Variants in WBP2NL observed in about 807,000 individuals in gnomAD.
WBP2NL encodes the protein WBP2 N-terminal like, also known as postacrosomal sheath WW domain-binding protein.
A neutral mutation model predicts 23.3 loss-of-function variants in WBP2NL; 27 were observed. The observed-to-expected ratio is 1.16, with a 90% CI of 0.85 to 1.60. WBP2NL has a LOEUF of 1.60. Among genes scored for constraint, WBP2NL ranks in the 40% most tolerant of loss-of-function variants. The probability of loss-of-function intolerance (pLI) is 0.00; values close to 1 mark genes in which losing one functional copy is unlikely to be tolerated. For synonymous variants in WBP2NL, 151 were observed against 145.9 expected (o/e 1.03, Z -0.25); for missense variants, 370 against 389.5 (o/e 0.95, Z 0.42).
rs372509700 is a variant in WBP2NL, at chr22:42,027,922, C to T, written c.*741C>T. ...CCAAGGCAATAGCATGGCCAGAAAACGTTTGAAAAGATGTTCAGCTTGACT... is the reference window on the plus strand; with the variant it reads ...CCAAGGCAATAGCATGGCCAGAAAATGTTTGAAAAGATGTTCAGCTTGACT... On this transcript the variant is annotated 3_prime_UTR_variant, in exon 6 of 6. Transcript: ENST00000328823. 157 of 398,296 alleles carry T rather than the reference C, an allele frequency of 3.9e-4. 1 individual carries two copies. The highest frequency in any genetic ancestry group is 2.9e-3 in the African/African-American group (141 of 48,676). The allele number at this position is 398,296 out of a possible 1,614,324, so 24.7% of individuals were successfully genotyped here.
intron 1 of WBP2NL, chr22:42,002,107 C>T (rs2146751232): frequency 2.5e-6 from 1 of 402,102 alleles, no homozygotes; most frequent in Non-Finnish European, 4.4e-6. Flanking sequence ...TACTTCACTG[C>T]TTGTGTGTTG....
intron 5 of WBP2NL, among the ~76,000 whole-genome samples, chr22:42,025,890 GA>G (rs1335494534): frequency 6.6e-6 from 1 of 152,158 alleles, no homozygotes; most frequent in Non-Finnish European, 1.5e-5. Context: ...TCCATATGAT[GA>G]AATATTATCC....
Position 42,027,872 on chromosome 22 carries a change from G to C in WBP2NL, c.*691G>C. ...ACTACAAATCAATTCTCCCCAAAATGACAGAAATATGAATTGCCGAATAAC... is the reference window on the plus strand; with the variant it reads ...ACTACAAATCAATTCTCCCCAAAATCACAGAAATATGAATTGCCGAATAAC... On this transcript the variant is annotated 3_prime_UTR_variant, in exon 6 of 6. Transcript: ENST00000328823. The C allele has an allele frequency of 2.5e-6, 1 of 398,066 alleles. No individual in the cohort carries two copies. The highest frequency in any genetic ancestry group is 4.4e-6 in the Non-Finnish European group (1 of 225,918). The allele number at this position is 398,066 out of a possible 1,614,324, so 24.7% of individuals were successfully genotyped here.
At position 42,019,749 on chromosome 22, in the gene WBP2NL, C is replaced by G; in HGVS notation, c.259C>G (p.Gln87Glu). ...FDLMTNLTVE[Q>E]PVFAANFIKG... ...TCTGATGACGAACCTCACTGTTGAACAACCAGTATTTGCTGCAAACTTCAT... is the reference window on the plus strand; with the variant it reads ...TCTGATGACGAACCTCACTGTTGAAGAACCAGTATTTGCTGCAAACTTCAT... Residue 87 changes from glutamine (Q) to glutamate (E), a missense_variant, in exon 3 of 6, where the codon CAA becomes GAA. Gln to Glu is a conservative substitution (Grantham distance 29). Coordinates refer to ENST00000328823, the MANE Select transcript of WBP2NL (RefSeq NM_152613.3). 1 of 1,614,194 alleles carries G rather than the reference C, an allele frequency of 6.2e-7. No homozygotes were observed. The highest frequency in any genetic ancestry group is 1.3e-5 in the African/African-American group (1 of 75,046).
At chr22:42,050,963 A>G (rs568008758) in intron 8 of WBP2NL, among the ~76,000 whole-genome samples, 10 of 152,322 alleles carry the variant, frequency 6.6e-5, no homozygotes, top group Admixed American at 2.0e-4. Flanking sequence ...TACTCTTACC[A>G]TATGTCCCAG....
intron 8 of WBP2NL, among the ~76,000 whole-genome samples, chr22:42,053,381 G>T (rs1404588254): frequency 6.6e-6 from 1 of 152,072 alleles, no homozygotes; most frequent in Non-Finnish European, 1.5e-5. Flanking sequence ...TTAACATTTT[G>T]AGGAACTGCC....
chr22:42,015,985 A>T (rs914737322), intron 1 of WBP2NL, among the ~76,000 whole-genome samples: 3 of 149,192 alleles, frequency 2.0e-5, no homozygotes, highest in Non-Finnish European at 3.0e-5. Context: ...TGGCTTGGAA[A>T]TTTTTTTTTT....
intron 8 of WBP2NL, among the ~76,000 whole-genome samples, chr22:42,049,080 A>G (rs1290895261): frequency 6.6e-6 from 1 of 152,224 alleles, no homozygotes; most frequent in South Asian, 2.1e-4. Flanking sequence ...TGAAAAGAAC[A>G]AAGTCAAAGA....
At chr22:42,013,618 T>C (rs965937046) in intron 1 of WBP2NL, among the ~76,000 whole-genome samples, 1 of 151,998 alleles carries the variant, frequency 6.6e-6, no homozygotes, top group Non-Finnish European at 1.5e-5. Flanking sequence ...TTTTGGCCAT[T>C]ATTTATTTAT....
chr22:42,046,433 AAACACACATAG>A (rs1925589228), intron 8 of WBP2NL, among the ~76,000 whole-genome samples: 1 of 152,254 alleles, frequency 6.6e-6, no homozygotes. Context: ...CCACTTACTA[AAACACACATAG>A]AATGATGAAT....
Position 42,043,401 on chromosome 22 carries a change from A to T in WBP2NL, c.*273+12578A>T, listed in dbSNP as rs186958341. On this transcript the variant is annotated intron_variant and NMD_transcript_variant, in intron 8 of 8. Transcript: ENST00000436265. ...TAGGGCTCGTGGTGTGTATATGCTC[A>T]GTTGTGGGAGCCAGCTGCTGGCACA... Among the ~76,000 whole-genome samples, 3 of 152,236 alleles carry T rather than the reference A, an allele frequency of 2.0e-5. No homozygotes were observed. The East Asian group carries it at 5.8e-4, about 29-fold the overall frequency.
downstream of WBP2NL, among the ~76,000 whole-genome samples, chr22:42,033,789 C>G (rs989254367): frequency 6.6e-6 from 1 of 152,212 alleles, no homozygotes; most frequent in Non-Finnish European, 1.5e-5. Context: ...CCAACATCTG[C>G]TTAGCTCTGG....
At chr22:42,022,062 A>AAATCCC (rs1312276243) in intron 4 of WBP2NL, among the ~76,000 whole-genome samples, 187 bp from the exon 5 acceptor site, 65 of 152,042 alleles carry the variant, frequency 4.3e-4, no homozygotes, top group African/African-American at 1.5e-3. Flanking sequence ...GGCCTCCTAA[A>AAATCCC]ATGTTGGGAT....
chr22:42,023,434 A>C (rs1456273397), intron 5 of WBP2NL, among the ~76,000 whole-genome samples: 5 of 152,046 alleles, frequency 3.3e-5, no homozygotes, highest in Admixed American at 2.6e-4. Context: ...GCCTCCAGCC[A>C]TCTGCCCGCC....
At chr22:42,010,882 T>A (rs979400443) in intron 1 of WBP2NL, among the ~76,000 whole-genome samples, 1 of 152,230 alleles carries the variant, frequency 6.6e-6, no homozygotes, top group African/African-American at 2.4e-5. Flanking sequence ...GCATCGATTG[T>A]GATGATCGCA....
chr22:42,051,167 A>C (rs956514458), intron 8 of WBP2NL, among the ~76,000 whole-genome samples: 4 of 152,260 alleles, frequency 2.6e-5, no homozygotes, highest in Non-Finnish European at 5.9e-5. Context: ...ACATTGCTTA[A>C]AAAGTAATGT....
rs576039136 is a variant in WBP2NL, at chr22:42,027,604, A to G, written c.*423A>G. ...GTTGTTTGAGAAAGCTAAATTTTCA[A>G]TAGTAAGAGTGTTATAAATTACGGT... On this transcript the variant is annotated 3_prime_UTR_variant, in exon 6 of 6. Coordinates refer to ENST00000328823, the MANE Select transcript of WBP2NL (RefSeq NM_152613.3). The G allele has an allele frequency of 6.6e-5, 17 of 257,272 alleles. No individual in the cohort carries two copies. Among genetic ancestry groups the G allele is most frequent in the Admixed American group, 1.9e-4 (4 of 20,716 alleles). 15.9% of individuals were successfully genotyped at this position (257,272 alleles called of 1,614,324 possible). A position where few individuals can be genotyped will look rare whatever the true frequency, so the allele number is the denominator to read the frequency against.
At chr22:42,019,197 G>A in intron 1 of WBP2NL, 114 bp from the exon 2 acceptor site, 1 of 901,414 alleles carries the variant, frequency 1.1e-6, no homozygotes, top group South Asian at 1.7e-5. Flanking sequence ...CTCCCGCCTG[G>A]GCAACAGAGT....
chr22:42,045,162 G>T (rs1248206899), intron 8 of WBP2NL, among the ~76,000 whole-genome samples: 2 of 152,068 alleles, frequency 1.3e-5, no homozygotes, highest in Non-Finnish European at 2.9e-5. Flanking sequence ...ACCTCGGCCG[G>T]GCGCGGTGGC....
Sources: gnomAD v4.1 joint callset for allele counts (sites outside exome capture counted in the v4.1 genomes callset) on GRCh38, gnomAD v4.1.1 for gene constraint, MANE v1.5 for transcripts, NCBI Gene and HGNC (gene_info 2026-07-23, HGNC 2026-07-21) for gene names.